The following USP34 variants were observed in gnomAD, a reference collection of about 807,000 sequenced individuals.
USP34 encodes ubiquitin carboxyl-terminal hydrolase 34.
In USP34, 70 loss-of-function variants were observed where a neutral mutation model predicts 460.3. The observed-to-expected ratio is 0.15, with a 90% CI of 0.13 to 0.19. The LOEUF (loss-of-function observed/expected upper bound fraction) is 0.19. Ranked by LOEUF, USP34 falls within the 10% of genes least tolerant of loss-of-function variation. The probability of loss-of-function intolerance (pLI) is 1.00; values close to 1 mark genes in which losing one functional copy is unlikely to be tolerated. For synonymous variants in USP34, 1,647 were observed against 1,405.3 expected, an observed-to-expected ratio of 1.17 and a Z score of -3.85; for missense variants, 3,985 against 4,236.2, an observed-to-expected ratio of 0.94 and a Z score of 1.65.
At position 61,451,887 on chromosome 2, in the gene USP34, A is replaced by C. The variant is rs558647272; in HGVS notation, c.43+18763T>G. 4.6e-5 allele frequency among the ~76,000 whole-genome samples: 7 copies of C among 152,032 alleles called. No homozygotes were observed. The South Asian group carries it at 1.5e-3, about 32-fold the overall frequency. ...ATCCATAAAAGCTAGAAAAAGACTT[A>C]ATTGAAAGCCGGGCGCAGTGGCTCA... is the stretch of plus-strand genomic sequence containing the variant. On this transcript the variant is annotated intron_variant, in intron 1 of 79. Coordinates refer to ENST00000398571, the MANE Select transcript of USP34 (RefSeq NM_014709.4).
chr2:61,396,533 G>C (rs371976166), intron 3 of USP34, among the ~76,000 whole-genome samples: 4 of 151,680 alleles, frequency 2.6e-5, no homozygotes, highest in Non-Finnish European at 5.9e-5. Context: ...CTGTCGCTCA[G>C]GCTGGAGTGC....
intron 1 of USP34, among the ~76,000 whole-genome samples, chr2:61,430,760 A>AT (rs1694648978): frequency 6.6e-6 from 1 of 152,204 alleles, no homozygotes. Flanking sequence ...TTTCGTATTA[A>AT]GAAATTACTC....
chr2:61,318,631 A>G (rs1390780174), intron 22 of USP34, among the ~76,000 whole-genome samples: 3 of 152,250 alleles, frequency 2.0e-5, no homozygotes, highest in Non-Finnish European at 4.4e-5. Flanking sequence ...GTTCATTCAG[A>G]AAAATGTCAC....
intron 10 of USP34, among the ~76,000 whole-genome samples, chr2:61,366,558 T>C (rs1338550165): frequency 6.6e-6 from 1 of 152,198 alleles, no homozygotes; most frequent in Non-Finnish European, 1.5e-5. Context: ...CTGGTACCAC[T>C]GTACATTCTC....
In USP34 at chr2:61,283,463, ACAC is replaced by A. The variant is rs756742437; in HGVS notation, c.4833-17_4833-15del. 8 of 1,605,126 alleles carry A rather than the reference ACAC, an allele frequency of 5.0e-6. No individual in the cohort carries two copies. Among genetic ancestry groups the A allele is most frequent in the Non-Finnish European group, 4.2e-6 (5 of 1,176,758 alleles). On this transcript the variant is annotated splice_polypyrimidine_tract_variant and intron_variant, in intron 35 of 79. Transcript: ENST00000398571. ...GCTTTTAAAACTCTGTAAAGTAAAA[ACAC>A]CACCACCACCAATTAAATTCAGCAA... is the stretch of plus-strand genomic sequence containing the variant.
intron 5 of USP34, among the ~76,000 whole-genome samples, chr2:61,389,197 G>C (rs1381372548): frequency 1.3e-5 from 2 of 152,168 alleles, no homozygotes; most frequent in African/African-American, 2.4e-5. Flanking sequence ...AGATGGAATA[G>C]TTAGTGGCCT....
At chr2:61,470,598 C>T (rs1207933681) in intron 1 of USP34, 52 bp downstream of exon 1, 2 of 1,325,664 alleles carry the variant, frequency 1.5e-6, no homozygotes, top group Non-Finnish European at 2.1e-6. Context: ...CAGAGAGCTG[C>T]GCGAGGACCC....
At chr2:61,423,838 C>T (rs1694432513) in intron 1 of USP34, among the ~76,000 whole-genome samples, 1 of 152,132 alleles carries the variant, frequency 6.6e-6, no homozygotes, top group South Asian at 2.1e-4. Flanking sequence ...ATAGTTCTAG[C>T]TACTCAGGAC....
Position 61,221,826 on chromosome 2 carries a change from T to C in USP34, c.7795-220A>G, listed in dbSNP as rs186753562. 1.0e-5 allele frequency: 4 copies of C among 399,484 alleles called. No individual in the cohort carries two copies. In the South Asian group the frequency reaches 2.9e-4, roughly 29 times the overall value. The allele number at this position is 399,484 out of a possible 1,614,324, so 24.7% of individuals were successfully genotyped here. A position where few individuals can be genotyped will look rare whatever the true frequency, so the allele number is the denominator to read the frequency against. On this transcript the variant is annotated intron_variant, in intron 65 of 79. Coordinates refer to ENST00000398571, the MANE Select transcript of USP34 (RefSeq NM_014709.4). ...ACCACGTATGATAGATTTTTCTGGATGTCAAGAGTATTTTGGAAAAGATAA... is the reference window on the plus strand; with the variant it reads ...ACCACGTATGATAGATTTTTCTGGACGTCAAGAGTATTTTGGAAAAGATAA...
At chr2:61,383,556 A>G (rs1418619203) in intron 5 of USP34, among the ~76,000 whole-genome samples, 1 of 152,018 alleles carries the variant, frequency 6.6e-6, no homozygotes, top group Non-Finnish European at 1.5e-5. Flanking sequence ...CACAAAAATT[A>G]GCCGGGCATG....
chr2:61,212,009 A>T lies in USP34; in HGVS notation c.8683-80T>A, dbSNP rs369718842. On this transcript the variant is annotated intron_variant, in intron 68 of 79. Coordinates refer to ENST00000398571, the MANE Select transcript of USP34 (RefSeq NM_014709.4). ...TCAGTTTCTCATTTCTACGTTCATT[A>T]ATCAACTCTTAAAATTATACAAATA... 6.2e-5 allele frequency: 87 copies of T among 1,398,772 alleles called. 1 individual carries two copies. The East Asian group carries it at 1.1e-3, about 17-fold the overall frequency. 86.6% of individuals were successfully genotyped at this position (1,398,772 alleles called of 1,614,324 possible).
chr2:61,348,553 C>A, intron 14 of USP34, 73 bp from the exon 15 acceptor site: 1 of 1,524,302 alleles, frequency 6.6e-7, no homozygotes, highest in African/African-American at 1.4e-5. Flanking sequence ...CATTAATAAA[C>A]TGTACTTTTT....
At chr2:61,261,761 A>AT (rs924595987) in intron 43 of USP34, among the ~76,000 whole-genome samples, 2 of 152,182 alleles carry the variant, frequency 1.3e-5, no homozygotes, top group Admixed American at 1.3e-4. Context: ...CATCTTAAGA[A>AT]TAAAGTGCCC....
intron 1 of USP34, among the ~76,000 whole-genome samples, chr2:61,445,390 C>T (rs974155227): frequency 6.6e-5 from 10 of 151,564 alleles, no homozygotes; most frequent in East Asian, 2.0e-4. Context: ...AAAAAGTTAG[C>T]GGGGCGTGGT....
rs143930727 is a variant in USP34 at position 61,225,042 on chromosome 2, T to C, written c.7596-1746A>G. 6.0e-4 allele frequency among the ~76,000 whole-genome samples: 92 copies of C among 152,276 alleles called. 1 individual carries two copies. The highest frequency in any genetic ancestry group is 9.9e-4 in the Non-Finnish European group (67 of 68,012). ...ATACCCTAGATGCCAAGGGTACTCA[T>C]TGATTCTGGGTTGTACAGGGTTTCC... On this transcript the variant is annotated intron_variant, in intron 62 of 79. Coordinates refer to ENST00000398571, the MANE Select transcript of USP34 (RefSeq NM_014709.4).
At chr2:61,323,514 C>CAAA (rs10713213) in intron 21 of USP34, among the ~76,000 whole-genome samples, 2 of 101,324 alleles carry the variant, frequency 2.0e-5, no homozygotes, top group South Asian at 3.2e-4. Flanking sequence ...GACTCCGCCT[C>CAAA]AAAAAAAAAA....
intron 57 of USP34, among the ~76,000 whole-genome samples, chr2:61,233,025 G>A (rs1687958954): frequency 6.6e-6 from 1 of 151,626 alleles, no homozygotes; most frequent in South Asian, 2.1e-4. Context: ...ATCCCTGGCT[G>A]ATTTTTGTAT....
At chr2:61,204,233 A>C in intron 74 of USP34, 23 bp downstream of exon 74, 1 of 1,613,960 alleles carries the variant, frequency 6.2e-7, no homozygotes, top group Non-Finnish European at 8.5e-7. Flanking sequence ...AGCAACATGG[A>C]TTTTCCTGGC....
intron 29 of USP34, among the ~76,000 whole-genome samples, chr2:61,298,645 C>T (rs1161280742): frequency 7.0e-6 from 1 of 142,798 alleles, no homozygotes; most frequent in Non-Finnish European, 1.5e-5. Flanking sequence ...AGCCTATTAA[C>T]ATAACAGCCC....
Sources: gnomAD v4.1 joint callset for allele counts (sites outside exome capture counted in the v4.1 genomes callset) on GRCh38, gnomAD v4.1.1 for gene constraint, MANE v1.5 for transcripts, NCBI Gene and HGNC (gene_info 2026-07-23, HGNC 2026-07-21) for gene names.